Variants in MAN1A1 observed in about 807,000 individuals in gnomAD.
MAN1A1 encodes the protein mannosidase alpha class 1A member 1.
In MAN1A1, 29 loss-of-function variants were observed where a neutral mutation model predicts 70.8. The observed-to-expected ratio is 0.41, with a 90% confidence interval of 0.31 to 0.56. The LOEUF is 0.56. Among genes scored for constraint, MAN1A1 ranks in the 20% least tolerant of loss-of-function variants. The probability of loss-of-function intolerance (pLI) is 0.29; values close to 1 mark genes in which losing one functional copy is unlikely to be tolerated. For missense variants in MAN1A1, 747 were observed against 841.3 expected (o/e 0.89, Z 1.39); for synonymous variants, 349 against 330.1 (o/e 1.06, Z -0.62).
chr6:119,335,510 T>C (rs1773428426), intron 2 of MAN1A1, among the ~76,000 whole-genome samples: 1 of 152,232 alleles, frequency 6.6e-6, no homozygotes, highest in Non-Finnish European at 1.5e-5. Context: ...TTGCCTTTTA[T>C]TGTCAAATTC....
rs535835267 is a variant in MAN1A1, at chr6:119,321,246, A to G, written c.604-14254T>C. 1.8e-4 allele frequency among the ~76,000 whole-genome samples: 28 copies of G among 152,306 alleles called. No individual in the cohort carries two copies. The South Asian group carries it at 4.6e-3, about 25-fold the overall frequency. Reference sequence around the variant, plus strand: ...ACTCTCTCACACTGTTTTCTTTTCAATGTTTGAACAATATTAGAATTCCAT... The same window carrying G: ...ACTCTCTCACACTGTTTTCTTTTCAGTGTTTGAACAATATTAGAATTCCAT... On this transcript the variant is annotated intron_variant, in intron 2 of 12. Coordinates refer to ENST00000368468, the MANE Select transcript of MAN1A1 (RefSeq NM_005907.4).
rs1011845363 is a variant in MAN1A1, at chr6:119,179,376, G to C, written c.*443C>G. 9.1e-5 allele frequency: 14 copies of C among 153,406 alleles called. No homozygotes were observed. The highest frequency in any genetic ancestry group is 3.1e-4 in the African/African-American group (13 of 41,570). 9.5% of individuals were successfully genotyped at this position (153,406 alleles called of 1,614,324 possible). On this transcript the variant is annotated 3_prime_UTR_variant, in exon 13 of 13. Coordinates refer to ENST00000368468, the MANE Select transcript of MAN1A1 (RefSeq NM_005907.4). The stretch of plus-strand genomic sequence containing the variant: ...AGACAAACCAGATTAACATGAAATT[G>C]TAAAGGAAAAAGCTTTTTTATACTT...
chr6:119,297,130 T>C (rs1772237102), intron 4 of MAN1A1, among the ~76,000 whole-genome samples: 1 of 152,178 alleles, frequency 6.6e-6, no homozygotes, highest in Non-Finnish European at 1.5e-5. Context: ...AATGCCCAAA[T>C]AGGAAACCCT....
intron 8 of MAN1A1, among the ~76,000 whole-genome samples, chr6:119,200,232 T>C (rs760193827): frequency 6.6e-6 from 1 of 152,180 alleles, no homozygotes; most frequent in African/African-American, 2.4e-5. Flanking sequence ...TTATTATATA[T>C]CATTATACTA....
chr6:119,329,377 T>A (rs195065), intron 2 of MAN1A1, among the ~76,000 whole-genome samples: 1 of 152,046 alleles, frequency 6.6e-6, no homozygotes, highest in East Asian at 1.9e-4. Context: ...CTTGGTTCCC[T>A]GTACCTTCAC....
chr6:119,339,186 A>C (rs1445021457), intron 2 of MAN1A1, among the ~76,000 whole-genome samples: 1 of 152,214 alleles, frequency 6.6e-6, no homozygotes. Context: ...TATATGACAC[A>C]TGGGAGTATA....
chr6:119,247,792 C>A (rs1006720465), intron 6 of MAN1A1, among the ~76,000 whole-genome samples: 3 of 152,186 alleles, frequency 2.0e-5, no homozygotes. Flanking sequence ...ACCACAGGTG[C>A]TCCCAGTCTC....
rs78868096 is a variant in MAN1A1, at chr6:119,327,663, T to C, written c.604-20671A>G. Among the ~76,000 whole-genome samples, 573 of 152,284 alleles carry C rather than the reference T, an allele frequency of 3.8e-3. 29 individuals carry two copies. In the East Asian group the frequency reaches 0.1, roughly 27 times the overall value. On this transcript the variant is annotated intron_variant, in intron 2 of 12. Coordinates refer to ENST00000368468, the MANE Select transcript of MAN1A1 (RefSeq NM_005907.4). ...GTGACTATAGCTAAGAACACTGTAC[T>C]GTATACTTGAAAACTGCTAAGAAAG...
intron 6 of MAN1A1, among the ~76,000 whole-genome samples, chr6:119,233,870 T>C (rs1774761643): frequency 6.6e-6 from 1 of 152,180 alleles, no homozygotes; most frequent in Admixed American, 6.5e-5. Flanking sequence ...ACCAATGCAA[T>C]TAATTTTAAA....
At chr6:119,291,773 C>T (rs1051300028) in intron 4 of MAN1A1, among the ~76,000 whole-genome samples, 10 of 151,880 alleles carry the variant, frequency 6.6e-5, no homozygotes, top group South Asian at 2.1e-4. Flanking sequence ...ATTTCATCTT[C>T]GCATAAAGGA....
At chr6:119,292,664 A>T (rs138275415) in intron 4 of MAN1A1, among the ~76,000 whole-genome samples, 265 of 152,238 alleles carry the variant, frequency 1.7e-3, no homozygotes, top group Admixed American at 4.7e-3. Flanking sequence ...TAAAAGGACA[A>T]TTATGAAAAC....
intron 2 of MAN1A1, among the ~76,000 whole-genome samples, chr6:119,338,757 G>A (rs138097132): frequency 6.6e-6 from 1 of 152,340 alleles, no homozygotes; most frequent in East Asian, 1.9e-4. Flanking sequence ...GGTAAAGCTG[G>A]CTAGGTCTCA....
chr6:119,289,706 G>A (rs1209016002), intron 5 of MAN1A1, among the ~76,000 whole-genome samples: 1 of 151,918 alleles, frequency 6.6e-6, no homozygotes, highest in Admixed American at 6.6e-5. Flanking sequence ...AAACAGAGAG[G>A]AAATGTAAGA....
chr6:119,251,638 T>C (rs938972465), intron 5 of MAN1A1, among the ~76,000 whole-genome samples: 1 of 152,242 alleles, frequency 6.6e-6, no homozygotes, highest in Non-Finnish European at 1.5e-5. Flanking sequence ...GAGAGATCTC[T>C]GAACGTTTTA....
chr6:119,345,587 C>G (rs1209305513), intron 2 of MAN1A1, among the ~76,000 whole-genome samples: 1 of 152,178 alleles, frequency 6.6e-6, no homozygotes, highest in Non-Finnish European at 1.5e-5. Flanking sequence ...AGTATCTCCC[C>G]TAAGACACGA....
intron 4 of MAN1A1, among the ~76,000 whole-genome samples, chr6:119,291,760 GAT>G (rs1200156895): frequency 1.3e-5 from 2 of 151,892 alleles, no homozygotes; most frequent in African/African-American, 4.8e-5. Context: ...TCTCTGAGAA[GAT>G]ATTTCATCTT....
At chr6:119,263,729 C>A (rs1265189007) in intron 5 of MAN1A1, among the ~76,000 whole-genome samples, 1 of 151,942 alleles carries the variant, frequency 6.6e-6, no homozygotes, top group Non-Finnish European at 1.5e-5. Context: ...CAGGAAAAAA[C>A]AACAACAAAC....
At position 119,348,619 on chromosome 6, in the gene MAN1A1, G is replaced by A. The variant is rs1025615030; in HGVS notation, c.447C>T (p.Asp149=). The A allele has an allele frequency of 6.2e-7, 1 of 1,613,938 alleles. No individual in the cohort carries two copies. Among genetic ancestry groups the A allele is most frequent in the Non-Finnish European group, 8.5e-7 (1 of 1,179,910 alleles). ...CCACCTTCTTCTTCTCCAGTAGGAT[G>A]TCTCTTTGGATCTCCTCGGGCAGCT... ...LQKLPEEIQR[D]ILLEKKKVAQ... is the part of the protein sequence containing the mutation. Residue 149 remains aspartate, a synonymous_variant, in exon 2 of 13, where the codon GAC becomes GAT. Transcript: ENST00000368468.
rs529952674 is a variant in MAN1A1, at chr6:119,347,953, T to C, written c.603+510A>G. Reference sequence around the variant, plus strand: ...AGTAAACAATAGTATCCCTCGATGATGGGAAGTTCTCAGGTTTCACCTTTA... The same window carrying C: ...AGTAAACAATAGTATCCCTCGATGACGGGAAGTTCTCAGGTTTCACCTTTA... On this transcript the variant is annotated intron_variant, in intron 2 of 12. Coordinates refer to ENST00000368468, the MANE Select transcript of MAN1A1 (RefSeq NM_005907.4). Among the ~76,000 whole-genome samples the C allele has an allele frequency of 2.3e-3, 345 of 152,322 alleles. 5 individuals are homozygous for C. The highest frequency in any genetic ancestry group is 8.0e-3 in the African/African-American group (333 of 41,574).
Sources: allele counts gnomAD v4.1 joint callset (sites outside exome capture counted in the v4.1 genomes callset), GRCh38; gene constraint gnomAD v4.1.1; transcripts MANE v1.5; gene names NCBI Gene and HGNC (gene_info 2026-07-23, HGNC 2026-07-21).